LRP1B: variants seen among roughly 807,000 people sequenced by gnomAD.
LRP1B encodes the protein low-density lipoprotein receptor-related protein 1B.
Under a neutral mutation model 556.6 loss-of-function variants are expected in LRP1B, and 217 were observed. That is an observed-to-expected ratio of 0.39 (90% confidence interval 0.35 to 0.44). LRP1B has a LOEUF of 0.44. Ranked by LOEUF, LRP1B falls within the 20% of genes least tolerant of loss-of-function variation. The pLI is 1.00. For missense variants in LRP1B, 5,053 were observed against 5,620.8 expected (o/e 0.90, Z 3.23); for synonymous variants, 2,047 against 1,865.8 (o/e 1.10, Z -2.50).
At position 140,492,619 on chromosome 2, in the gene LRP1B, G is replaced by A; in HGVS notation, c.9109C>T (p.Leu3037Phe). ...KISTDGSNYT[L>F]LKQGLNNVIA... ...TGGGAGTGTCATACCTGTTTTAAAA[G>A]TGTGTAGTTGGAGCCATCAGTGCTA... The change falls in exon 57 of 91, where the codon CTT becomes TTT. Residue 3037 changes from leucine (L) to phenylalanine (F), a missense_variant. Leu to Phe is a conservative substitution (Grantham distance 22). Coordinates refer to ENST00000389484, the MANE Select transcript of LRP1B (RefSeq NM_018557.3). 5.6e-6 allele frequency: 9 copies of A among 1,612,534 alleles called. No individual in the cohort carries two copies. Among genetic ancestry groups the A allele is most frequent in the Non-Finnish European group, 7.6e-6 (9 of 1,178,658 alleles).
rs1336495211 is a variant in LRP1B at position 141,805,145 on chromosome 2, T to A, written c.205+5134A>T. Among the ~76,000 whole-genome samples the A allele has an allele frequency of 2.6e-5, 4 of 152,106 alleles. No homozygotes were observed. In the South Asian group the frequency reaches 6.2e-4, roughly 24 times the overall value. On this transcript the variant is annotated intron_variant, in intron 2 of 90. Transcript: ENST00000389484. ...TCGACTGCATTTGCTTTCTGTGCAA[T>A]TTATCCTTTTCCTAACAGAGAGGCT... is the stretch of plus-strand genomic sequence containing the variant.
chr2:141,791,631 G>C (rs142176804), intron 2 of LRP1B, among the ~76,000 whole-genome samples: 2,795 of 151,944 alleles, frequency 0.018, 37 homozygotes, highest in South Asian at 0.029. Flanking sequence ...TGACATTGAG[G>C]TTGCAACACC....
chr2:140,726,053 G>C (rs1365872467), intron 35 of LRP1B, among the ~76,000 whole-genome samples: 3 of 152,132 alleles, frequency 2.0e-5, no homozygotes, highest in African/African-American at 7.2e-5. Flanking sequence ...TGCAGGTGGG[G>C]AATTTACTAG....
intron 3 of LRP1B, among the ~76,000 whole-genome samples, chr2:141,315,882 C>CTTTTTTTTTTTTTTTT (rs70991157): frequency 5.5e-5 from 1 of 18,140 alleles, no homozygotes; most frequent in Non-Finnish European, 9.2e-5. Context: ...TTAGTCTGGT[C>CTTTTTTTTTTTTTTTT]TTTTTTTTTT....
Position 140,592,616 on chromosome 2 carries a change from T to C in LRP1B, c.7194+6015A>G, listed in dbSNP as rs957849650. On this transcript the variant is annotated intron_variant, in intron 43 of 90. Transcript: ENST00000389484. ...TCAGGCCCTTGAACGTCATTAAAAC[T>C]ATATTATCAATAAAAGAAGACAGCG... Among the ~76,000 whole-genome samples the C allele has an allele frequency of 4.6e-5, 7 of 152,124 alleles. No homozygotes were observed. In the South Asian group the frequency reaches 8.3e-4, roughly 18 times the overall value.
At chr2:140,542,385 A>G (rs986894194) in intron 43 of LRP1B, among the ~76,000 whole-genome samples, 1 of 152,096 alleles carries the variant, frequency 6.6e-6, no homozygotes, top group African/African-American at 2.4e-5. Context: ...ATAAAGAACC[A>G]TAAGATCTAG....
intron 1 of LRP1B, among the ~76,000 whole-genome samples, chr2:142,048,244 T>C (rs529980938): frequency 6.6e-6 from 1 of 152,204 alleles, no homozygotes; most frequent in South Asian, 2.1e-4. Flanking sequence ...AAATGTCCAT[T>C]TATTTCTAGG....
intron 86 of LRP1B, among the ~76,000 whole-genome samples, chr2:140,263,248 C>T (rs1251817761): frequency 6.6e-6 from 1 of 152,034 alleles, no homozygotes; most frequent in African/African-American, 2.4e-5. Context: ...GACTGGCCAC[C>T]CGTGGATCTT....
chr2:141,757,435 A>G (rs1265527702), intron 2 of LRP1B, among the ~76,000 whole-genome samples: 1 of 152,226 alleles, frequency 6.6e-6, no homozygotes, highest in Non-Finnish European at 1.5e-5. Context: ...GAAGAATTAT[A>G]TGCACACTAA....
At chr2:141,178,331 A>G (rs1680830163) in intron 7 of LRP1B, among the ~76,000 whole-genome samples, 1 of 152,146 alleles carries the variant, frequency 6.6e-6, no homozygotes, top group South Asian at 2.1e-4. Context: ...TCGCCAGAGC[A>G]GTAGGTCTTC....
rs541468776 is a variant in LRP1B at position 141,076,780 on chromosome 2, C to T, written c.1014-14507G>A. On this transcript the variant is annotated intron_variant, in intron 7 of 90. Coordinates refer to ENST00000389484, the MANE Select transcript of LRP1B (RefSeq NM_018557.3). ...CAACAGGGAATTCTAAAGCACCTGG[C>T]CTCCACCTCTAGAGAAAATACAAAA... Among the ~76,000 whole-genome samples, 11 of 152,296 alleles carry T rather than the reference C, an allele frequency of 7.2e-5. No homozygotes were observed. The East Asian group carries it at 2.1e-3, about 29-fold the overall frequency.
intron 3 of LRP1B, among the ~76,000 whole-genome samples, chr2:141,315,051 A>T (rs1449932045): frequency 6.6e-6 from 1 of 150,464 alleles, no homozygotes; most frequent in African/African-American, 2.4e-5. Flanking sequence ...TACAGTATCT[A>T]ACCAAACAGG....
intron 1 of LRP1B, among the ~76,000 whole-genome samples, chr2:141,826,501 A>G (rs1696933876): frequency 6.6e-6 from 1 of 151,736 alleles, no homozygotes; most frequent in East Asian, 1.9e-4. Flanking sequence ...CTGGGACTAC[A>G]GGTGCCCGCC....
chr2:141,412,563 G>C (rs771079442), intron 3 of LRP1B, among the ~76,000 whole-genome samples: 7 of 152,126 alleles, frequency 4.6e-5, no homozygotes, highest in Admixed American at 2.6e-4. Flanking sequence ...TGTATGTACT[G>C]TACTCAACAC....
At chr2:140,606,004 A>G (rs559942) in intron 41 of LRP1B, among the ~76,000 whole-genome samples, 53,784 of 151,608 alleles carry the variant, frequency 0.35, 9,777 homozygotes, top group African/African-American at 0.4. Context: ...GATTCCAGCA[A>G]GGGTAATTGG....
intron 32 of LRP1B, among the ~76,000 whole-genome samples, chr2:140,789,438 G>A (rs1170075991): frequency 1.3e-5 from 2 of 151,964 alleles, no homozygotes; most frequent in East Asian, 3.9e-4. Flanking sequence ...ATCTAAACTA[G>A]GTTCTATAAC....
intron 19 of LRP1B, among the ~76,000 whole-genome samples, chr2:140,951,539 C>T (rs1203733655): frequency 2.6e-5 from 4 of 152,122 alleles, no homozygotes; most frequent in East Asian, 3.9e-4. Context: ...TGAGGTTACA[C>T]GCATGTTTTA....
At chr2:141,787,205 T>C (rs1405853085) in intron 2 of LRP1B, among the ~76,000 whole-genome samples, 2 of 151,930 alleles carry the variant, frequency 1.3e-5, no homozygotes, top group East Asian at 1.9e-4. Flanking sequence ...AATTTATGTA[T>C]TTTCTTACAT....
chr2:141,608,803 T>C (rs902026645), intron 2 of LRP1B, among the ~76,000 whole-genome samples: 4 of 152,338 alleles, frequency 2.6e-5, no homozygotes, highest in African/African-American at 4.8e-5. Flanking sequence ...TCTCACAAAA[T>C]GCTTCAGTTG....
Sources: allele counts gnomAD v4.1 joint callset (sites outside exome capture counted in the v4.1 genomes callset), GRCh38; gene constraint gnomAD v4.1.1; transcripts MANE v1.5; gene names NCBI Gene and HGNC (gene_info 2026-07-23, HGNC 2026-07-21).